CNTNAP2: variants seen among roughly 807,000 people sequenced by gnomAD.
CNTNAP2 encodes the protein contactin associated protein 2.
Under a neutral mutation model 155.2 loss-of-function variants are expected in CNTNAP2, and 98 were observed. The ratio of observed to expected loss-of-function variants is 0.63; its 90% CI spans 0.54 to 0.75. CNTNAP2 has a LOEUF of 0.75. CNTNAP2 is among the 30% of genes least tolerant of loss of function. CNTNAP2 has a pLI of 0.00. For synonymous variants in CNTNAP2, 651 were observed against 631.2 expected (o/e 1.03, Z -0.47); for missense variants, 1,727 against 1,688.1 (o/e 1.02, Z -0.40).
intron 8 of CNTNAP2, among the ~76,000 whole-genome samples, chr7:147,154,171 T>C (rs563564905): frequency 1.3e-5 from 2 of 151,766 alleles, no homozygotes; most frequent in African/African-American, 4.8e-5. Context: ...ATTGATAAGA[T>C]AAAACAGTTT....
intron 12 of CNTNAP2, among the ~76,000 whole-genome samples, chr7:147,606,446 AATG>A (rs1419215063): frequency 6.6e-6 from 1 of 152,216 alleles, no homozygotes; most frequent in Admixed American, 6.5e-5. Flanking sequence ...ATTTGGCAAA[AATG>A]ATGATTTATC....
intron 1 of CNTNAP2, among the ~76,000 whole-genome samples, chr7:146,593,898 AAG>A (rs771942979): frequency 6.6e-6 from 1 of 152,110 alleles, no homozygotes; most frequent in Non-Finnish European, 1.5e-5. Flanking sequence ...TAATTTTAGC[AAG>A]ACTCTTGCAG....
intron 15 of CNTNAP2, among the ~76,000 whole-genome samples, chr7:148,099,435 G>A (rs953589818): frequency 6.6e-6 from 1 of 150,970 alleles, no homozygotes; most frequent in Non-Finnish European, 1.5e-5. Context: ...GTGTGTGTGT[G>A]TGTGTGTGTG....
intron 1 of CNTNAP2, among the ~76,000 whole-genome samples, chr7:146,534,622 A>C (rs905843720): frequency 7.2e-5 from 11 of 152,082 alleles, no homozygotes. Flanking sequence ...TTTCTTGGCC[A>C]CTGAGAAAAG....
intron 3 of CNTNAP2, among the ~76,000 whole-genome samples, chr7:146,953,333 G>A (rs1031958336): frequency 1.3e-5 from 2 of 151,938 alleles, no homozygotes; most frequent in African/African-American, 4.8e-5. Context: ...CATTTAGTGT[G>A]TATGTCACTA....
intron 1 of CNTNAP2, among the ~76,000 whole-genome samples, chr7:146,437,130 T>C (rs1463181662): frequency 6.6e-6 from 1 of 151,268 alleles, no homozygotes; most frequent in Non-Finnish European, 1.5e-5. Context: ...GCGTGAACCT[T>C]ACTGTGAACG....
rs1287600280 is a variant in CNTNAP2 at position 148,157,130 on chromosome 7, C to T, written c.2773+9421C>T. Among the ~76,000 whole-genome samples, 7 of 152,176 alleles carry T rather than the reference C, an allele frequency of 4.6e-5. 1 individual carries two copies. In the East Asian group the frequency reaches 1.3e-3, roughly 29 times the overall value. On this transcript the variant is annotated intron_variant, in intron 17 of 23. Transcript: ENST00000361727. ...CATAGGGTGCATACTGAGTAAATGA[C>T]TTTGTCACTTGACTTCGTCTTCTTC...
chr7:146,541,507 A>G (rs1238773123), intron 1 of CNTNAP2, among the ~76,000 whole-genome samples: 1 of 152,032 alleles, frequency 6.6e-6, no homozygotes. Flanking sequence ...AGGCAACTGT[A>G]GATAGTCTCT....
chr7:147,787,907 C>T (rs1458571943), intron 13 of CNTNAP2, among the ~76,000 whole-genome samples: 1 of 152,130 alleles, frequency 6.6e-6, no homozygotes, highest in Non-Finnish European at 1.5e-5. Flanking sequence ...AGATTTTGTA[C>T]TCCTCCCACA....
chr7:146,527,541 A>G (rs745554628), intron 1 of CNTNAP2, among the ~76,000 whole-genome samples: 3 of 152,064 alleles, frequency 2.0e-5, no homozygotes, highest in Admixed American at 2.0e-4. Flanking sequence ...AAGGGTATAT[A>G]TAGACCAAAA....
chr7:147,770,282 A>T (rs376036896), intron 13 of CNTNAP2, among the ~76,000 whole-genome samples: 19 of 152,310 alleles, frequency 1.2e-4, no homozygotes, highest in East Asian at 1.2e-3. Flanking sequence ...TTGTTTTTTT[A>T]AAATTATTTC....
chr7:148,002,858 CT>C (rs2116895462), intron 15 of CNTNAP2, among the ~76,000 whole-genome samples: 1 of 152,112 alleles, frequency 6.6e-6, no homozygotes, highest in African/African-American at 2.4e-5. Flanking sequence ...TACCGGTACA[CT>C]TGTTATTTAA....
chr7:147,422,903 G>A (rs1258233492), intron 10 of CNTNAP2, among the ~76,000 whole-genome samples: 1 of 152,052 alleles, frequency 6.6e-6, no homozygotes, highest in Non-Finnish European at 1.5e-5. Context: ...AATATCTAAT[G>A]ATAATTTTTT....
chr7:147,710,880 G>C (rs949384270), intron 13 of CNTNAP2, among the ~76,000 whole-genome samples: 1 of 152,106 alleles, frequency 6.6e-6, no homozygotes, highest in African/African-American at 2.4e-5. Context: ...TTAATTTGAT[G>C]CTTCTCTAGA....
intron 13 of CNTNAP2, among the ~76,000 whole-genome samples, chr7:147,656,753 A>G (rs568610707): frequency 1.3e-5 from 2 of 151,526 alleles, no homozygotes; most frequent in South Asian, 4.2e-4. Flanking sequence ...AAGTGAGAGC[A>G]TGCCATTGAA....
At chr7:147,740,398 T>A (rs1044611644) in intron 13 of CNTNAP2, among the ~76,000 whole-genome samples, 1 of 152,214 alleles carries the variant, frequency 6.6e-6, no homozygotes, top group Non-Finnish European at 1.5e-5. Flanking sequence ...TGTGTAGCAA[T>A]GCCTCACCCT....
intron 21 of CNTNAP2, among the ~76,000 whole-genome samples, chr7:148,332,657 C>G (rs941271686): frequency 6.6e-6 from 1 of 152,164 alleles, no homozygotes; most frequent in African/African-American, 2.4e-5. Flanking sequence ...AAAAATTTCA[C>G]ACATTATCGT....
At chr7:147,427,238 C>G (rs1417426444) in intron 10 of CNTNAP2, among the ~76,000 whole-genome samples, 1 of 152,106 alleles carries the variant, frequency 6.6e-6, no homozygotes, top group Non-Finnish European at 1.5e-5. Context: ...ATGCTGTAAT[C>G]ACTTCCCAAA....
At position 146,568,929 on chromosome 7, in the gene CNTNAP2, G is replaced by A. The variant is rs57968669; in HGVS notation, c.98-205342G>A. 8.5e-3 allele frequency among the ~76,000 whole-genome samples: 1,288 copies of A among 151,726 alleles called. 12 individuals are homozygous for A. Among genetic ancestry groups the A allele is most frequent in the African/African-American group, 0.03 (1,224 of 41,372 alleles). ...TTGGATTAAATGAGATTATCTATGG[G>A]TGTCCCAAAGTCACGCAAATCACAA... On this transcript the variant is annotated intron_variant, in intron 1 of 23. Transcript: ENST00000361727.
Sources: allele counts gnomAD v4.1 joint callset (sites outside exome capture counted in the v4.1 genomes callset), GRCh38; gene constraint gnomAD v4.1.1; transcripts MANE v1.5; gene names NCBI Gene and HGNC (gene_info 2026-07-23, HGNC 2026-07-21).